Variants in RBFOX1 observed in about 807,000 individuals in gnomAD.
RBFOX1 encodes RNA binding fox-1 homolog 1, also known as RNA binding protein fox-1 homolog 1.
Under a neutral mutation model 57.7 loss-of-function variants are expected in RBFOX1, and 8 were observed. The ratio of observed to expected loss-of-function variants is 0.14; its 90% CI spans 0.08 to 0.25. RBFOX1 has a LOEUF of 0.25. Ranked by LOEUF, RBFOX1 falls within the 10% of genes least tolerant of loss-of-function variation. The probability of loss-of-function intolerance (pLI) is 1.00; values close to 1 mark genes in which losing one functional copy is unlikely to be tolerated. For synonymous variants in RBFOX1, 326 were observed against 222.4 expected (o/e 1.47, Z -4.15); for missense variants, 611 against 548.5 (o/e 1.11, Z -1.14).
chr16:5,953,504 C>G (rs774076245), intron 4 of RBFOX1, among the ~76,000 whole-genome samples: 2 of 151,940 alleles, frequency 1.3e-5, no homozygotes, highest in Admixed American at 6.6e-5. Flanking sequence ...CCACCCTTTC[C>G]CCCCGAGTCC....
At chr16:7,017,391 A>G (rs2093970166) in intron 3 of RBFOX1, among the ~76,000 whole-genome samples, 1 of 152,186 alleles carries the variant, frequency 6.6e-6, no homozygotes, top group Non-Finnish European at 1.5e-5. Context: ...ATGGCTCTCT[A>G]ATAACGATAA....
At chr16:6,929,829 A>G (rs983961415) in intron 3 of RBFOX1, among the ~76,000 whole-genome samples, 2 of 152,152 alleles carry the variant, frequency 1.3e-5, no homozygotes, top group African/African-American at 4.8e-5. Context: ...TTTAATTCAA[A>G]TATTAAAAGT....
intron 1 of RBFOX1, among the ~76,000 whole-genome samples, chr16:5,328,519 C>G (rs545179255): frequency 5.9e-5 from 9 of 152,238 alleles, no homozygotes; most frequent in Non-Finnish European, 1.0e-4. Context: ...ATAACTCAGC[C>G]TCGATGACAA....
At chr16:7,069,440 A>G (rs957692164) in intron 4 of RBFOX1, among the ~76,000 whole-genome samples, 1 of 152,166 alleles carries the variant, frequency 6.6e-6, no homozygotes, top group East Asian at 1.9e-4. Context: ...AAGTGAGAGC[A>G]TGCGGTGTTC....
chr16:6,603,901 A>G (rs1822022480), intron 2 of RBFOX1, among the ~76,000 whole-genome samples: 1 of 151,940 alleles, frequency 6.6e-6, no homozygotes, highest in Admixed American at 6.6e-5. Flanking sequence ...ACACTTTGTG[A>G]TGTGTCTCAG....
At chr16:6,988,514 T>C (rs2153605460) in intron 3 of RBFOX1, among the ~76,000 whole-genome samples, 1 of 152,104 alleles carries the variant, frequency 6.6e-6, no homozygotes, top group South Asian at 2.1e-4. Flanking sequence ...TTAAAATTAG[T>C]CTTACCTGTT....
chr16:6,941,429 C>G (rs1173048228), intron 3 of RBFOX1, among the ~76,000 whole-genome samples: 1 of 150,892 alleles, frequency 6.6e-6, no homozygotes, highest in East Asian at 2.0e-4. Flanking sequence ...TAGGAAATCC[C>G]TAATTTAAAA....
At chr16:7,282,023 G>A (rs1027230359) in intron 4 of RBFOX1, among the ~76,000 whole-genome samples, 4 of 148,598 alleles carry the variant, frequency 2.7e-5, no homozygotes, top group Non-Finnish European at 4.4e-5. Context: ...GTGCCATCAC[G>A]CCTGGCAATT....
intron 1 of RBFOX1, among the ~76,000 whole-genome samples, chr16:6,099,309 A>G (rs927344062): frequency 2.6e-5 from 4 of 152,212 alleles, no homozygotes; most frequent in African/African-American, 9.7e-5. Flanking sequence ...TGATTTCATG[A>G]TGACGTCAGT....
chr16:6,690,503 T>TA (rs986801722), intron 3 of RBFOX1, among the ~76,000 whole-genome samples: 1 of 152,010 alleles, frequency 6.6e-6, no homozygotes, highest in Non-Finnish European at 1.5e-5. Flanking sequence ...CCTATTTGTT[T>TA]AAAAAAATAG....
intron 3 of RBFOX1, among the ~76,000 whole-genome samples, chr16:6,882,806 C>G (rs58840085): frequency 0.081 from 12,327 of 151,942 alleles, 1,654 homozygotes; most frequent in African/African-American, 0.28. Context: ...TGGGGGGTAT[C>G]AATTCTCTGT....
chr16:7,512,954 G>C (rs951613778), intron 4 of RBFOX1, among the ~76,000 whole-genome samples: 3 of 152,172 alleles, frequency 2.0e-5, no homozygotes, highest in African/African-American at 7.2e-5. Flanking sequence ...GTGATAGAGA[G>C]GGAACTGCTT....
At chr16:6,569,921 A>G (rs1038213201) in intron 2 of RBFOX1, among the ~76,000 whole-genome samples, 18 of 152,196 alleles carry the variant, frequency 1.2e-4, no homozygotes, top group African/African-American at 2.9e-4. Context: ...GTACTGTACA[A>G]TTCACTTGTC....
upstream of RBFOX1, among the ~76,000 whole-genome samples, chr16:6,018,445 G>C (rs1267176463): frequency 6.6e-6 from 1 of 152,170 alleles, no homozygotes; most frequent in Non-Finnish European, 1.5e-5. Flanking sequence ...AGGCGTCATG[G>C]GGCTTCTGGC....
chr16:6,962,895 G>A (rs1339439962), intron 3 of RBFOX1, among the ~76,000 whole-genome samples: 1 of 145,890 alleles, frequency 6.9e-6, no homozygotes, highest in Non-Finnish European at 1.5e-5. Flanking sequence ...AAAAGAAAGT[G>A]AGCCTTGGGA....
chr16:6,793,796 TTTGG>T (rs1197660283), intron 3 of RBFOX1, among the ~76,000 whole-genome samples: 5 of 152,142 alleles, frequency 3.3e-5, no homozygotes, highest in Non-Finnish European at 7.3e-5. Context: ...GGTGTGTGGA[TTTGG>T]TTGGTTGTTT....
rs139140899 is a variant in RBFOX1, at chr16:5,446,376, G to T, written c.220-20840G>T. On this transcript the variant is annotated intron_variant, in intron 1 of 2. Coordinates refer to the RBFOX1 transcript ENST00000585867. ...AGTATAGACAAATCCAGGAAAGTTA[G>T]ATTCAAACATGCTCACTGGAAATGT... is the stretch of plus-strand genomic sequence containing the variant. Among the ~76,000 whole-genome samples the T allele has an allele frequency of 2.9e-3, 440 of 152,260 alleles. 4 individuals carry two copies. Among genetic ancestry groups the T allele is most frequent in the African/African-American group, 9.7e-3 (401 of 41,550 alleles).
chr16:5,289,961 A>C (rs186771190), intron 1 of RBFOX1, among the ~76,000 whole-genome samples: 1 of 152,378 alleles, frequency 6.6e-6, no homozygotes, highest in Admixed American at 6.5e-5. Flanking sequence ...TGCCAAAGTG[A>C]AAACAACACA....
At chr16:6,972,889 T>C (rs777517070) in intron 3 of RBFOX1, among the ~76,000 whole-genome samples, 4 of 152,134 alleles carry the variant, frequency 2.6e-5, no homozygotes, top group Non-Finnish European at 5.9e-5. Context: ...TTTGGGAGGC[T>C]GAAGTGGGTG....
Sources: gnomAD v4.1 joint callset for allele counts (sites outside exome capture counted in the v4.1 genomes callset) on GRCh38, gnomAD v4.1.1 for gene constraint, MANE v1.5 for transcripts, NCBI Gene and HGNC (gene_info 2026-07-23, HGNC 2026-07-21) for gene names.